The following CDH12 variants were observed in gnomAD, a reference collection of about 807,000 sequenced individuals.
CDH12 encodes the protein cadherin-12.
A neutral mutation model predicts 74.1 loss-of-function variants in CDH12; 41 were observed. The ratio of observed to expected loss-of-function variants is 0.55; its 90% CI spans 0.43 to 0.72. The LOEUF (loss-of-function observed/expected upper bound fraction) is 0.72, where lower values mean the gene tolerates loss of function less well. Ranked by LOEUF, CDH12 falls within the 30% of genes least tolerant of loss-of-function variation. The pLI is 0.00. For synonymous variants in CDH12, 399 were observed against 355.0 expected, an observed-to-expected ratio of 1.12 and a Z score of -1.39; for missense variants, 945 against 977.2, an observed-to-expected ratio of 0.97 and a Z score of 0.44.
chr5:22,642,574 T>C (rs1004042162), intron 1 of CDH12, among the ~76,000 whole-genome samples: 12 of 152,198 alleles, frequency 7.9e-5, no homozygotes, highest in African/African-American at 2.9e-4. Context: ...TGACTGATCA[T>C]GATAGTTATG....
chr5:21,764,726 CA>C (rs1202386098), intron 12 of CDH12, among the ~76,000 whole-genome samples: 1 of 150,526 alleles, frequency 6.6e-6, no homozygotes, highest in Non-Finnish European at 1.5e-5. Flanking sequence ...GCAGAAACCA[CA>C]AGTGTAGACC....
At chr5:22,110,994 T>C (rs1744781215) in intron 4 of CDH12, among the ~76,000 whole-genome samples, 1 of 152,208 alleles carries the variant, frequency 6.6e-6, no homozygotes, top group South Asian at 2.1e-4. Flanking sequence ...TCTCACTGTA[T>C]AGTTTTCACA....
At chr5:22,805,524 A>G (rs1748736740) in intron 1 of CDH12, among the ~76,000 whole-genome samples, 1 of 152,064 alleles carries the variant, frequency 6.6e-6, no homozygotes, top group Admixed American at 6.6e-5. Flanking sequence ...GAGTTTGAGT[A>G]TATGTTTGCT....
At chr5:22,624,020 A>G (rs954859355) in intron 1 of CDH12, among the ~76,000 whole-genome samples, 20 of 152,312 alleles carry the variant, frequency 1.3e-4, no homozygotes, top group African/African-American at 4.8e-4. Flanking sequence ...ACACATCTAC[A>G]ACCATCTGAT....
At chr5:22,664,233 C>A (rs912473641) in intron 1 of CDH12, among the ~76,000 whole-genome samples, 1 of 152,142 alleles carries the variant, frequency 6.6e-6, no homozygotes, top group African/African-American at 2.4e-5. Context: ...ATTAGTCCAT[C>A]TGAATACTGT....
At chr5:22,320,555 T>C (rs896545578) in intron 3 of CDH12, among the ~76,000 whole-genome samples, 1 of 152,162 alleles carries the variant, frequency 6.6e-6, no homozygotes, top group Non-Finnish European at 1.5e-5. Flanking sequence ...TGCATGCATA[T>C]GTGGAATACA....
intron 6 of CDH12, among the ~76,000 whole-genome samples, chr5:21,956,258 G>A (rs1031780180): frequency 6.6e-6 from 1 of 151,452 alleles, no homozygotes; most frequent in African/African-American, 2.4e-5. Flanking sequence ...AATTCAGCAT[G>A]GAGATGTAAA....
intron 5 of CDH12, among the ~76,000 whole-genome samples, chr5:21,977,269 TA>T (rs975540682): frequency 1.3e-5 from 2 of 151,874 alleles, no homozygotes; most frequent in East Asian, 3.9e-4. Context: ...GTCCACCTAT[TA>T]AAAAAAACTG....
intron 3 of CDH12, among the ~76,000 whole-genome samples, chr5:22,239,404 A>G (rs1429624792): frequency 1.3e-5 from 2 of 152,066 alleles, no homozygotes; most frequent in South Asian, 2.1e-4. Flanking sequence ...GGAAGCAAAG[A>G]TTATTCAATA....
At chr5:22,002,486 T>C (rs1231635627) in intron 5 of CDH12, among the ~76,000 whole-genome samples, 2 of 152,152 alleles carry the variant, frequency 1.3e-5, no homozygotes, top group Non-Finnish European at 2.9e-5. Flanking sequence ...ATTTAAAAAA[T>C]GATATTTATT....
At chr5:22,175,462 A>G (rs1025766373) in intron 4 of CDH12, among the ~76,000 whole-genome samples, 1 of 152,062 alleles carries the variant, frequency 6.6e-6, no homozygotes, top group Non-Finnish European at 1.5e-5. Context: ...GGAAAACTTG[A>G]GAATGAAAAA....
At chr5:22,248,554 T>G (rs2150385874) in intron 3 of CDH12, among the ~76,000 whole-genome samples, 1 of 152,234 alleles carries the variant, frequency 6.6e-6, no homozygotes, top group East Asian at 1.9e-4. Context: ...CTTGATTGAG[T>G]GGACATGATC....
intron 2 of CDH12, among the ~76,000 whole-genome samples, chr5:22,492,472 C>A (rs970350077): frequency 1.3e-5 from 2 of 151,710 alleles, no homozygotes; most frequent in African/African-American, 4.8e-5. Context: ...CTCAACCTCC[C>A]GAGTAGCTGG....
At chr5:22,413,728 T>C (rs1243352892) in intron 2 of CDH12, among the ~76,000 whole-genome samples, 6 of 152,124 alleles carry the variant, frequency 3.9e-5, no homozygotes, top group East Asian at 1.9e-4. Flanking sequence ...CACATACATA[T>C]AGAAAGTTTA....
chr5:22,248,166 A>G (rs1272561318), intron 3 of CDH12, among the ~76,000 whole-genome samples: 1 of 152,022 alleles, frequency 6.6e-6, no homozygotes, highest in East Asian at 1.9e-4. Context: ...TGGGCGTGGT[A>G]GTGCATGCCT....
chr5:22,015,954 T>A (rs1317105838), intron 5 of CDH12, among the ~76,000 whole-genome samples: 1 of 151,724 alleles, frequency 6.6e-6, no homozygotes, highest in African/African-American at 2.4e-5. Context: ...GAAATTTGCA[T>A]AATATCTCCC....
chr5:22,539,283 A>C (rs893051011), intron 1 of CDH12, among the ~76,000 whole-genome samples: 1 of 152,176 alleles, frequency 6.6e-6, no homozygotes, highest in Non-Finnish European at 1.5e-5. Context: ...ACTGTACATA[A>C]AGTTTGTGCA....
intron 5 of CDH12, among the ~76,000 whole-genome samples, chr5:22,041,181 A>G (rs1314011313): frequency 6.6e-6 from 1 of 152,126 alleles, no homozygotes; most frequent in East Asian, 1.9e-4. Flanking sequence ...ACACAAATAT[A>G]TAGCAGATGC....
intron 1 of CDH12, among the ~76,000 whole-genome samples, chr5:22,591,929 T>C (rs1736347720): frequency 6.6e-6 from 1 of 151,984 alleles, no homozygotes; most frequent in South Asian, 2.1e-4. Context: ...TTCCTTGAGA[T>C]ATCATTTAAC....
Sources: gnomAD v4.1 joint callset for allele counts (sites outside exome capture counted in the v4.1 genomes callset) on GRCh38, gnomAD v4.1.1 for gene constraint, MANE v1.5 for transcripts, NCBI Gene and HGNC (gene_info 2026-07-23, HGNC 2026-07-21) for gene names.